Variants in EPG5 observed in about 807,000 individuals in gnomAD.
EPG5 encodes the protein ectopic P granules protein 5 homolog.
Under a neutral mutation model 302.7 loss-of-function variants are expected in EPG5, and 159 were observed. The ratio of observed to expected loss-of-function variants is 0.53; its 90% CI spans 0.46 to 0.60. The LOEUF (loss-of-function observed/expected upper bound fraction) is 0.60. Among genes scored for constraint, EPG5 ranks in the 20% least tolerant of loss-of-function variants. EPG5 has a pLI of 0.00. For missense variants in EPG5, 2,896 were observed against 3,092.4 expected, an observed-to-expected ratio of 0.94 and a Z score of 1.51; for synonymous variants, 1,158 against 1,136.8, an observed-to-expected ratio of 1.02 and a Z score of -0.37.
the EPG5 span, among the ~76,000 whole-genome samples, chr18:45,817,429 A>C: frequency 6.6e-6 from 1 of 152,206 alleles, no homozygotes; most frequent in African/African-American, 2.4e-5. Context: ...CCAAAACTTA[A>C]TGGCTTAAAT....
At chr18:45,828,118 C>T in the EPG5 span, among the ~76,000 whole-genome samples, 2 of 152,228 alleles carry the variant, frequency 1.3e-5, no homozygotes, top group African/African-American at 4.8e-5. Flanking sequence ...AGGCCACGGC[C>T]TGGGCAGGAG....
At position 45,851,708 on chromosome 18, in the gene EPG5, G is replaced by C. The variant is rs1168352676; in HGVS notation, c.*759C>G. On this transcript the variant is annotated 3_prime_UTR_variant, in exon 44 of 44. Coordinates refer to ENST00000282041, the MANE Select transcript of EPG5 (RefSeq NM_020964.3). ...GGGAATGCACAGACTCTCCCGACTAGAGAGAGGCAGCCCTGTCTGCACTCC... is the reference window on the plus strand; with the variant it reads ...GGGAATGCACAGACTCTCCCGACTACAGAGAGGCAGCCCTGTCTGCACTCC... 6.6e-6 allele frequency: 1 copy of C among 152,234 alleles called. No homozygotes were observed. The highest frequency in any genetic ancestry group is 6.5e-5 in the Admixed American group (1 of 15,284). The allele number at this position is 152,234 out of a possible 1,614,324, so 9.4% of individuals were successfully genotyped here.
At chr18:45,867,786 T>C in intron 36 of EPG5, 38 bp from the exon 37 acceptor site, 1 of 1,523,442 alleles carries the variant, frequency 6.6e-7, no homozygotes, top group Non-Finnish European at 8.9e-7. Flanking sequence ...TGTTGCCTTG[T>C]GCTATCTATG....
chr18:45,806,440 T>G, the EPG5 span, among the ~76,000 whole-genome samples: 101 of 152,042 alleles, frequency 6.6e-4, 3 homozygotes, highest in East Asian at 0.019. Flanking sequence ...CAGGAATAAA[T>G]CAGGAAACCT....
At chr18:45,946,072 C>T (rs1275353788) in intron 7 of EPG5, among the ~76,000 whole-genome samples, 13 of 152,156 alleles carry the variant, frequency 8.5e-5, no homozygotes, top group Admixed American at 8.5e-4. Flanking sequence ...AACAGAACTG[C>T]TTACAAATCT....
Position 45,915,557 on chromosome 18 carries a change from C to T in EPG5, c.3647G>A (p.Gly1216Asp). ...CTCCACAAAGGAAGGAGTGATGTTG[C>T]CTGCCACAATCCAGCTTACCAAAGA... Reference protein sequence around the residue: ...LSSLVSWIVAGNITPSFVEGL... With the variant: ...LSSLVSWIVADNITPSFVEGL... Residue 1216 changes from glycine to aspartate, a missense_variant, in exon 20 of 44, where the codon GGC becomes GAC. By Grantham distance (94) the Gly-to-Asp change is moderately conservative. Transcript: ENST00000282041. The T allele has an allele frequency of 6.2e-7, 1 of 1,614,174 alleles. No homozygotes were observed. Among genetic ancestry groups the T allele is most frequent in the Non-Finnish European group, 8.5e-7 (1 of 1,180,024 alleles).
chr18:45,849,970 G>A lies in EPG5; in HGVS notation c.*2497C>T, dbSNP rs180884133. Reference sequence around the variant, plus strand: ...CCTTCACTTGTTCTATTAATAGGCAGTGGGACAACATGATTCCGGGATGCA... The same window carrying A: ...CCTTCACTTGTTCTATTAATAGGCAATGGGACAACATGATTCCGGGATGCA... On this transcript the variant is annotated 3_prime_UTR_variant, in exon 44 of 44. Transcript: ENST00000282041. 2.6e-5 allele frequency: 4 copies of A among 152,350 alleles called. No homozygotes were observed. The East Asian group carries it at 7.7e-4, about 29-fold the overall frequency. 9.4% of individuals were successfully genotyped at this position (152,350 alleles called of 1,614,324 possible).
chr18:45,901,367 A>T (rs2049613650), intron 25 of EPG5, among the ~76,000 whole-genome samples, 200 bp from the exon 26 acceptor site: 2 of 152,188 alleles, frequency 1.3e-5, no homozygotes, highest in Non-Finnish European at 2.9e-5. Context: ...ACTTGATATT[A>T]GTGTAAAGCT....
chr18:45,842,167 G>C, the EPG5 span: 1 of 1,614,182 alleles, frequency 6.2e-7, no homozygotes, highest in South Asian at 1.1e-5. Context: ...GAGCCCACCA[G>C]CCACCATGTG....
chr18:45,942,447 A>G (rs1193052778), intron 9 of EPG5, among the ~76,000 whole-genome samples: 1 of 152,044 alleles, frequency 6.6e-6, no homozygotes. Context: ...CACTAAAAAT[A>G]CAAAAATTAG....
intron 11 of EPG5, 108 bp from the exon 12 acceptor site, chr18:45,930,938 T>C (rs2050384188): frequency 9.1e-7 from 1 of 1,098,782 alleles, no homozygotes; most frequent in Admixed American, 3.6e-5. Context: ...ACAAAAGGTC[T>C]TTCTTTGTTC....
At chr18:45,857,809 T>C in intron 42 of EPG5, 44 bp downstream of exon 42, 1 of 1,533,234 alleles carries the variant, frequency 6.5e-7, no homozygotes. Context: ...TACAGATGTC[T>C]GAGGCCTATT....
intron 39 of EPG5, among the ~76,000 whole-genome samples, chr18:45,864,693 T>A (rs1020497441): frequency 1.1e-4 from 17 of 152,206 alleles, no homozygotes; most frequent in Non-Finnish European, 1.9e-4. Flanking sequence ...TTTTGCCAGA[T>A]GCTGGTGGCA....
chr18:45,926,701 C>A (rs2050276967), intron 13 of EPG5, among the ~76,000 whole-genome samples: 2 of 152,052 alleles, frequency 1.3e-5, no homozygotes, highest in African/African-American at 2.4e-5. Context: ...CGCCTGTAAT[C>A]CCAACTACTC....
intron 6 of EPG5, among the ~76,000 whole-genome samples, chr18:45,947,672 G>A (rs973387570): frequency 6.6e-6 from 1 of 152,004 alleles, no homozygotes; most frequent in African/African-American, 2.4e-5. Context: ...ATCTACCTGT[G>A]CTCCGTACAG....
At chr18:45,873,286 C>T (rs1314165063) in intron 35 of EPG5, among the ~76,000 whole-genome samples, 3 of 152,120 alleles carry the variant, frequency 2.0e-5, no homozygotes, top group South Asian at 2.1e-4. Flanking sequence ...CCAAGGCAGG[C>T]GGATCACAAG....
In EPG5 at chr18:45,955,340, TA is replaced by T. The variant is rs1389810127; in HGVS notation, c.64-3del. 2.0e-6 allele frequency: 3 copies of T among 1,528,784 alleles called. No individual in the cohort carries two copies. The highest frequency in any genetic ancestry group is 2.6e-6 in the Non-Finnish European group (3 of 1,135,728). The allele number at this position is 1,528,784 out of a possible 1,614,324, so 94.7% of individuals were successfully genotyped here. The stretch of plus-strand genomic sequence containing the variant: ...AGGAGTTTCATACTTCTTCTTTTCC[TA>T]AAAACAACATACATAATGTGAAATA... On this transcript the variant is annotated splice_polypyrimidine_tract_variant and splice_region_variant and intron_variant, in intron 1 of 43. Coordinates refer to ENST00000282041, the MANE Select transcript of EPG5 (RefSeq NM_020964.3).
At chr18:45,958,849 T>C (rs1214769070) in intron 1 of EPG5, among the ~76,000 whole-genome samples, 1 of 152,160 alleles carries the variant, frequency 6.6e-6, no homozygotes, top group Admixed American at 6.5e-5. Flanking sequence ...ACCATCAAGC[T>C]CACACCTGGT....
chr18:45,961,984 A>C (rs1316688225), intron 1 of EPG5, among the ~76,000 whole-genome samples: 1 of 150,846 alleles, frequency 6.6e-6, no homozygotes, highest in Non-Finnish European at 1.5e-5. Flanking sequence ...TTTCTTCTTC[A>C]TGGGTTTTTG....
Sources: allele counts gnomAD v4.1 joint callset (sites outside exome capture counted in the v4.1 genomes callset), GRCh38; gene constraint gnomAD v4.1.1; transcripts MANE v1.5; gene names NCBI Gene and HGNC (gene_info 2026-07-23, HGNC 2026-07-21).